STN1: variants seen among roughly 807,000 people sequenced by gnomAD.
STN1 encodes the protein STN1 subunit of CST complex, also known as CST complex subunit STN1.
In STN1, 29 loss-of-function variants were observed where a neutral mutation model predicts 45.5. The observed-to-expected ratio is 0.64, with a 90% CI of 0.47 to 0.87. The LOEUF (loss-of-function observed/expected upper bound fraction) is 0.87, where lower values mean the gene tolerates loss of function less well. Ranked by LOEUF, STN1 falls within the 40% of genes least tolerant of loss-of-function variation. STN1 has a pLI of 0.00. For synonymous variants in STN1, 148 were observed against 159.0 expected, an observed-to-expected ratio of 0.93 and a Z score of 0.52; for missense variants, 376 against 441.4, an observed-to-expected ratio of 0.85 and a Z score of 1.33.
At chr10:103,911,460 T>C (rs1843290630) in intron 2 of STN1, among the ~76,000 whole-genome samples, 1 of 152,232 alleles carries the variant, frequency 6.6e-6, no homozygotes, top group Non-Finnish European at 1.5e-5. Context: ...GCCCAATCTC[T>C]TTTCCAGCCT....
In STN1 at chr10:103,898,944, T is replaced by G. The variant is rs1231904752; in HGVS notation, c.514A>C (p.Thr172Pro). The G allele has an allele frequency of 1.2e-6, 2 of 1,614,138 alleles. No individual in the cohort carries two copies. Among genetic ancestry groups the G allele is most frequent in the East Asian group, 2.2e-5 (1 of 44,890 alleles). ...IQIARMLELP[T>P]IYRKVYDQPF... is the part of the protein sequence containing the mutation. ...TGGTCATAAACTTTCCTGTAGATAG[T>G]GGGCAGCTCAAGCATCCTTGCAATT... Residue 172 changes from threonine (T) to proline (P), a missense_variant, in exon 6 of 10, where the codon ACT becomes CCT. Thr to Pro is a conservative substitution (Grantham distance 38). Coordinates refer to ENST00000224950, the MANE Select transcript of STN1 (RefSeq NM_024928.5).
At chr10:103,894,072 C>A (rs1467124697) in intron 7 of STN1, among the ~76,000 whole-genome samples, 3 of 152,184 alleles carry the variant, frequency 2.0e-5, no homozygotes, top group Non-Finnish European at 2.9e-5. Context: ...AGGCTTAGGG[C>A]AAAACTGTTT....
chr10:103,915,769 C>A (rs1198115402), intron 2 of STN1, among the ~76,000 whole-genome samples: 1 of 152,036 alleles, frequency 6.6e-6, no homozygotes, highest in Non-Finnish European at 1.5e-5. Flanking sequence ...GGTCCCCAAC[C>A]TTTTTGACAC....
chr10:103,894,834 C>T (rs1361147163), intron 7 of STN1, among the ~76,000 whole-genome samples: 4 of 152,066 alleles, frequency 2.6e-5, no homozygotes, highest in African/African-American at 4.8e-5. Context: ...ACAAACTCAA[C>T]ATTCATCCAG....
chr10:103,881,461 G>A lies in STN1; in HGVS notation c.*1223C>T, dbSNP rs960382749. ...GCAGGGCAGCCACTACATAATCACT[G>A]TTAGAAATCAGCAAAGGTTTGCATC... On this transcript the variant is annotated 3_prime_UTR_variant, in exon 10 of 10. Coordinates refer to ENST00000224950, the MANE Select transcript of STN1 (RefSeq NM_024928.5). Among the ~76,000 whole-genome samples the A allele has an allele frequency of 2.0e-5, 3 of 152,206 alleles. No individual in the cohort carries two copies. Among genetic ancestry groups the A allele is most frequent in the African/African-American group, 7.2e-5 (3 of 41,452 alleles).
At chr10:103,912,921 C>T (rs1843300897) in intron 2 of STN1, among the ~76,000 whole-genome samples, 1 of 152,186 alleles carries the variant, frequency 6.6e-6, no homozygotes, top group Admixed American at 6.5e-5. Context: ...AGCACATAGG[C>T]AATCAGAGGC....
chr10:103,895,498 G>T (rs753182810), intron 7 of STN1, among the ~76,000 whole-genome samples: 3 of 152,232 alleles, frequency 2.0e-5, no homozygotes, highest in Non-Finnish European at 4.4e-5. Context: ...TGGGAAGAAG[G>T]TCAATCTTGC....
chr10:103,888,730 A>C (rs1057151693), intron 9 of STN1, among the ~76,000 whole-genome samples: 4 of 152,218 alleles, frequency 2.6e-5, no homozygotes, highest in Non-Finnish European at 5.9e-5. Context: ...GAATGACATC[A>C]AAACGTCCTA....
chr10:103,909,400 ATATATATG>A (rs1177391624), intron 3 of STN1, among the ~76,000 whole-genome samples: 657 of 57,246 alleles, frequency 0.011, 18 homozygotes, highest in Non-Finnish European at 0.018. Context: ...GTATATATGT[ATATATATG>A]TATATATGTA....
intron 8 of STN1, among the ~76,000 whole-genome samples, chr10:103,889,695 C>CTTTTTTTTTT (rs58738841): frequency 8.2e-6 from 1 of 122,098 alleles, no homozygotes. Context: ...TTTCTTTTTC[C>CTTTTTTTTTT]TTTTTTTTTT....
In STN1 at chr10:103,879,168, G is replaced by T. The variant is rs554017862; in HGVS notation, c.*3516C>A. ...AGGAAAGAGGCAGACACTGGCAGCC[G>T]GAAGGCAGCCAGACACATACTTATT... On this transcript the variant is annotated 3_prime_UTR_variant, in exon 10 of 10. Coordinates refer to ENST00000224950, the MANE Select transcript of STN1 (RefSeq NM_024928.5). The T allele has an allele frequency of 6.6e-6, 1 of 152,316 alleles. No individual in the cohort carries two copies. The highest frequency in any genetic ancestry group is 2.1e-4 in the South Asian group (1 of 4,824). 9.4% of individuals were successfully genotyped at this position (152,316 alleles called of 1,614,324 possible).
At chr10:103,902,645 A>G (rs1466502215) in intron 4 of STN1, among the ~76,000 whole-genome samples, 1 of 152,252 alleles carries the variant, frequency 6.6e-6, no homozygotes, top group African/African-American at 2.4e-5. Context: ...GGTACATTCA[A>G]TGTGACATTT....
chr10:103,910,778 G>A (rs1843285028), intron 2 of STN1, among the ~76,000 whole-genome samples, 156 bp from the exon 3 acceptor site: 2 of 152,076 alleles, frequency 1.3e-5, no homozygotes, highest in Admixed American at 6.5e-5. Flanking sequence ...AAATGACAAC[G>A]CCCCAAGAAA....
chr10:103,903,062 G>T (rs899179132), intron 4 of STN1, among the ~76,000 whole-genome samples: 4 of 152,142 alleles, frequency 2.6e-5, no homozygotes, highest in Non-Finnish European at 5.9e-5. Context: ...TTTGAAAACT[G>T]AAACAATGAC....
At chr10:103,889,755 T>A (rs539420225) in intron 8 of STN1, among the ~76,000 whole-genome samples, 1 of 145,722 alleles carries the variant, frequency 6.9e-6, no homozygotes, top group African/African-American at 2.6e-5. Flanking sequence ...CAGGCTGGAG[T>A]GCAGTGGCAC....
In STN1 at chr10:103,891,071, C is replaced by T. The variant is rs1310900794; in HGVS notation, c.876+1059G>A. Among the ~76,000 whole-genome samples, 3 of 152,228 alleles carry T rather than the reference C, an allele frequency of 2.0e-5. 1 individual carries two copies. The highest frequency in any genetic ancestry group is 4.1e-4 in the South Asian group (2 of 4,834). ...GTACAGCCTTCAGGCAGGCCCATCA[C>T]ACTGTGTTGACCAAAAGCTTAAATG... On this transcript the variant is annotated intron_variant, in intron 8 of 9. Transcript: ENST00000224950.
chr10:103,882,831 C>T lies in STN1; in HGVS notation c.960G>A (p.Lys320=), dbSNP rs780708492. The change falls in exon 10 of 10, where the codon AAG becomes AAA. Residue 320 remains lysine (K), a synonymous_variant. Coordinates refer to ENST00000224950, the MANE Select transcript of STN1 (RefSeq NM_024928.5). ...CCAAGATGTGCAGGAAGTGACAGCCCTTCTCCATGTCTGCAGGAAAAAGGT... is the reference window on the plus strand; with the variant it reads ...CCAAGATGTGCAGGAAGTGACAGCCTTTCTCCATGTCTGCAGGAAAAAGGT... ...QDCQKPNHME[K]GCHFLHILAC... 8 of 1,611,900 alleles carry T rather than the reference C, an allele frequency of 5.0e-6. No individual in the cohort carries two copies. In the Admixed American group the frequency reaches 8.4e-5, roughly 17 times the overall value.
intron 5 of STN1, 84 bp downstream of exon 5, chr10:103,899,978 A>G (rs778690093): frequency 1.2e-4 from 161 of 1,350,140 alleles, no homozygotes; most frequent in Non-Finnish European, 1.6e-4. Context: ...AACTTTTTGA[A>G]AGTTTGACTT....
chr10:103,911,681 A>T (rs1843291905), intron 2 of STN1, among the ~76,000 whole-genome samples: 1 of 152,112 alleles, frequency 6.6e-6, no homozygotes, highest in Admixed American at 6.5e-5. Flanking sequence ...AGTCCTTTTT[A>T]AAATAAATAT....
Sources: allele counts gnomAD v4.1 joint callset (sites outside exome capture counted in the v4.1 genomes callset), GRCh38; gene constraint gnomAD v4.1.1; transcripts MANE v1.5; gene names NCBI Gene and HGNC (gene_info 2026-07-23, HGNC 2026-07-21).